AGBL4: variants seen among roughly 807,000 people sequenced by gnomAD.
AGBL4 encodes the protein AGBL carboxypeptidase 4.
AGBL4 carries 58 observed loss-of-function variants against 66.4 expected under a neutral mutation model. That is an observed-to-expected ratio of 0.87 (90% CI 0.71 to 1.09). The LOEUF is 1.09. Among genes scored for constraint, AGBL4 ranks in the 50% least tolerant of loss-of-function variants. The pLI is 0.00. For missense variants in AGBL4, 579 were observed against 631.0 expected (o/e 0.92, Z 0.88); for synonymous variants, 234 against 222.9 (o/e 1.05, Z -0.44).
intron 3 of AGBL4, among the ~76,000 whole-genome samples, chr1:49,622,561 G>A (rs1304171309): frequency 4.8e-5 from 7 of 146,052 alleles, no homozygotes; most frequent in African/African-American, 1.5e-4. Context: ...CCCGGGAGGC[G>A]GAGCTTGCAG....
At chr1:48,628,337 C>T (rs1645538119) in intron 9 of AGBL4, among the ~76,000 whole-genome samples, 1 of 152,196 alleles carries the variant, frequency 6.6e-6, no homozygotes, top group African/African-American at 2.4e-5. Context: ...CTTTCCCTTG[C>T]TCCAGCGTTT....
At chr1:49,716,468 GT>G (rs901096693) in intron 2 of AGBL4, among the ~76,000 whole-genome samples, 1 of 151,872 alleles carries the variant, frequency 6.6e-6, no homozygotes, top group Non-Finnish European at 1.5e-5. Flanking sequence ...ATTTAAACTA[GT>G]TTTTTTCTAA....
chr1:49,639,216 G>A (rs1046775506), intron 3 of AGBL4, among the ~76,000 whole-genome samples: 8 of 152,090 alleles, frequency 5.3e-5, no homozygotes, highest in East Asian at 1.9e-4. Flanking sequence ...AGATCTAGTC[G>A]CAGTGAAGCA....
intron 5 of AGBL4, among the ~76,000 whole-genome samples, chr1:49,045,308 A>C (rs1010025083): frequency 4.6e-5 from 7 of 152,304 alleles, no homozygotes; most frequent in Admixed American, 1.3e-4. Context: ...AGAGAGCTTT[A>C]TCAGCTTCAT....
chr1:48,906,058 C>T (rs185645400), intron 5 of AGBL4, among the ~76,000 whole-genome samples: 97 of 151,668 alleles, frequency 6.4e-4, no homozygotes, highest in African/African-American at 2.0e-3. Flanking sequence ...CTAAGTGTCA[C>T]GAAGCAAATC....
intron 6 of AGBL4, among the ~76,000 whole-genome samples, chr1:48,710,010 A>G (rs917848442): frequency 2.6e-5 from 4 of 152,208 alleles, no homozygotes; most frequent in African/African-American, 9.7e-5. Flanking sequence ...ATGAGGAACC[A>G]GAGGCACAGA....
intron 6 of AGBL4, among the ~76,000 whole-genome samples, chr1:48,734,227 A>G (rs1162080862): frequency 6.6e-6 from 1 of 152,220 alleles, no homozygotes; most frequent in African/African-American, 2.4e-5. Context: ...GCTATGTTAC[A>G]GCAGAACAAG....
chr1:49,307,156 T>C (rs144326597), intron 3 of AGBL4, among the ~76,000 whole-genome samples: 678 of 152,262 alleles, frequency 4.5e-3, no homozygotes, highest in Middle Eastern at 0.01. Context: ...TATCCTTTTT[T>C]GTAAAATGGA....
intron 2 of AGBL4, among the ~76,000 whole-genome samples, chr1:49,742,760 A>T (rs530796800): frequency 1.7e-4 from 26 of 151,682 alleles, no homozygotes; most frequent in African/African-American, 5.8e-4. Flanking sequence ...TATCTACAAC[A>T]ATCTGATCTT....
At chr1:49,441,139 C>T (rs1030908488) in intron 3 of AGBL4, among the ~76,000 whole-genome samples, 3 of 152,136 alleles carry the variant, frequency 2.0e-5, no homozygotes, top group African/African-American at 4.8e-5. Flanking sequence ...GATTAAAGTT[C>T]CGGTGGGCCC....
intron 5 of AGBL4, among the ~76,000 whole-genome samples, chr1:48,965,734 G>A (rs1206674924): frequency 6.6e-6 from 1 of 152,170 alleles, no homozygotes; most frequent in African/African-American, 2.4e-5. Flanking sequence ...ATCTTTCACT[G>A]TGGGTCTTGG....
intron 3 of AGBL4, among the ~76,000 whole-genome samples, chr1:49,580,375 T>C (rs1313083741): frequency 6.6e-6 from 1 of 152,214 alleles, no homozygotes; most frequent in Non-Finnish European, 1.5e-5. Context: ...TTACTAGTAG[T>C]TGTAAAAATT....
intron 3 of AGBL4, among the ~76,000 whole-genome samples, chr1:49,663,943 T>C (rs1316612660): frequency 1.3e-5 from 2 of 151,714 alleles, no homozygotes; most frequent in African/African-American, 4.8e-5. Context: ...GGATATGATA[T>C]TGAGAACCAG....
At chr1:49,998,404 AAC>A (rs1420326077) in intron 1 of AGBL4, among the ~76,000 whole-genome samples, 1 of 152,152 alleles carries the variant, frequency 6.6e-6, no homozygotes, top group Non-Finnish European at 1.5e-5. Flanking sequence ...AGAAACTCTG[AAC>A]AGACAAGTAA....
chr1:48,685,080 ACGGCCTGTCTGGAG>A (rs1472106243), intron 6 of AGBL4, among the ~76,000 whole-genome samples: 1 of 151,662 alleles, frequency 6.6e-6, no homozygotes, highest in East Asian at 1.9e-4. Context: ...CATGGTGCAC[ACGGCCTGTCTGGAG>A]GGGCCAGCCC....
intron 3 of AGBL4, among the ~76,000 whole-genome samples, chr1:49,579,275 G>T (rs1644496674): frequency 6.6e-6 from 1 of 152,112 alleles, no homozygotes; most frequent in Non-Finnish European, 1.5e-5. Context: ...TTCCTCTAGA[G>T]AACCCTAATA....
intron 1 of AGBL4, among the ~76,000 whole-genome samples, chr1:49,893,977 C>G (rs991244566): frequency 6.6e-6 from 1 of 152,198 alleles, no homozygotes; most frequent in African/African-American, 2.4e-5. Flanking sequence ...AGTAGTCACA[C>G]TGATGCTCAT....
chr1:48,934,041 T>C (rs1655254552), intron 5 of AGBL4, among the ~76,000 whole-genome samples: 1 of 152,182 alleles, frequency 6.6e-6, no homozygotes, highest in Admixed American at 6.5e-5. Flanking sequence ...AGGTAGCCTA[T>C]TTTGGTAAGT....
At chr1:48,744,993 G>A (rs1042802638) in intron 6 of AGBL4, among the ~76,000 whole-genome samples, 7 of 84,284 alleles carry the variant, frequency 8.3e-5, no homozygotes, top group African/African-American at 1.9e-4. Context: ...ATCACTCCCA[G>A]GTAGGGGGGG....
Sources: gnomAD v4.1 joint callset for allele counts (sites outside exome capture counted in the v4.1 genomes callset) on GRCh38, gnomAD v4.1.1 for gene constraint, MANE v1.5 for transcripts, NCBI Gene and HGNC (gene_info 2026-07-23, HGNC 2026-07-21) for gene names.